FAM135B: variants seen among roughly 807,000 people sequenced by gnomAD.
FAM135B encodes the protein protein FAM135B.
Under a neutral mutation model 127.7 loss-of-function variants are expected in FAM135B, and 43 were observed. That is an observed-to-expected ratio of 0.34 (90% CI 0.26 to 0.43). FAM135B has a LOEUF of 0.43. Among genes scored for constraint, FAM135B ranks in the 20% least tolerant of loss-of-function variants. The pLI, the probability that FAM135B is intolerant of heterozygous loss-of-function variation, is 1.00. For missense variants in FAM135B, 1,558 were observed against 1,725.6 expected, an observed-to-expected ratio of 0.90 and a Z score of 1.72; for synonymous variants, 670 against 665.1, an observed-to-expected ratio of 1.01 and a Z score of -0.11.
At chr8:138,147,400 C>T (rs1817742866) in intron 14 of FAM135B, among the ~76,000 whole-genome samples, 3 of 152,074 alleles carry the variant, frequency 2.0e-5, no homozygotes, top group Admixed American at 2.0e-4. Flanking sequence ...AAAATTTTCT[C>T]AGAAAATATG....
intron 12 of FAM135B, among the ~76,000 whole-genome samples, chr8:138,163,373 CA>C (rs1282688761): frequency 6.6e-6 from 1 of 152,122 alleles, no homozygotes; most frequent in Non-Finnish European, 1.5e-5. Context: ...ACAGATATTG[CA>C]GCGTGCCTGG....
At chr8:138,482,419 C>T (rs1010171749) in intron 1 of FAM135B, among the ~76,000 whole-genome samples, 7 of 152,248 alleles carry the variant, frequency 4.6e-5, no homozygotes, top group African/African-American at 1.7e-4. Flanking sequence ...CCTATGTAGT[C>T]ACAGAGGATC....
At chr8:138,432,396 A>G (rs1835237707) in intron 1 of FAM135B, among the ~76,000 whole-genome samples, 2 of 152,014 alleles carry the variant, frequency 1.3e-5, no homozygotes, top group Admixed American at 6.5e-5. Flanking sequence ...CAAAGCTTGC[A>G]TGGTCTCCAC....
chr8:138,206,468 C>A (rs77572676), intron 7 of FAM135B, among the ~76,000 whole-genome samples: 1 of 34,038 alleles, frequency 2.9e-5, no homozygotes, highest in South Asian at 1.1e-3. Context: ...ACTCCAGCAT[C>A]CCCTCCACCT....
intron 3 of FAM135B, among the ~76,000 whole-genome samples, chr8:138,270,865 T>A (rs943284139): frequency 1.3e-5 from 2 of 152,218 alleles, no homozygotes; most frequent in African/African-American, 4.8e-5. Context: ...TCTAATGAGT[T>A]ATAACCTGGG....
At chr8:138,485,446 T>G (rs1185133503) in intron 1 of FAM135B, among the ~76,000 whole-genome samples, 1 of 152,218 alleles carries the variant, frequency 6.6e-6, no homozygotes, top group Non-Finnish European at 1.5e-5. Flanking sequence ...ATTAAGTACA[T>G]ACACAGATCA....
intron 1 of FAM135B, among the ~76,000 whole-genome samples, chr8:138,442,267 T>TATATATATATATATATATATATATACAC (rs34280434): frequency 1.2e-5 from 1 of 86,762 alleles, no homozygotes; most frequent in Non-Finnish European, 2.4e-5. Flanking sequence ...TATATATATA[T>TATATATATATATATATATATATATACAC]ATATATATAT....
At chr8:138,292,540 C>T (rs1414520954) in intron 3 of FAM135B, among the ~76,000 whole-genome samples, 1 of 152,104 alleles carries the variant, frequency 6.6e-6, no homozygotes, top group African/African-American at 2.4e-5. Context: ...TTAAAATGGA[C>T]ATACTGCCCA....
At chr8:138,281,495 A>G (rs1472118922) in intron 3 of FAM135B, among the ~76,000 whole-genome samples, 1 of 151,876 alleles carries the variant, frequency 6.6e-6, no homozygotes, top group Non-Finnish European at 1.5e-5. Context: ...TGAGGTAAAT[A>G]GTGTCCTACA....
chr8:138,465,938 C>T (rs1393772475), intron 1 of FAM135B, among the ~76,000 whole-genome samples: 2 of 152,168 alleles, frequency 1.3e-5, no homozygotes, highest in Admixed American at 6.5e-5. Context: ...TGCCTTCACA[C>T]CCAGATAACT....
chr8:138,430,548 C>T (rs1315194553), intron 1 of FAM135B, among the ~76,000 whole-genome samples: 1 of 152,134 alleles, frequency 6.6e-6, no homozygotes, highest in African/African-American at 2.4e-5. Context: ...CAGGTGCTGG[C>T]CTCCAAGAGG....
intron 3 of FAM135B, among the ~76,000 whole-genome samples, chr8:138,294,941 A>G (rs1357849495): frequency 6.6e-6 from 1 of 152,126 alleles, no homozygotes; most frequent in Admixed American, 6.5e-5. Flanking sequence ...TGTATTTCCC[A>G]TATAAGTCTA....
rs547255108 is a variant in FAM135B, at chr8:138,391,177, G to C, written c.-19-23175C>G. On this transcript the variant is annotated intron_variant, in intron 1 of 19. Transcript: ENST00000395297. ...ATCCCTGTCCTCCCATTAAGGCTGA[G>C]CTCCTTGTTTCTGGTCCCAGATCAG... Among the ~76,000 whole-genome samples, 3 of 151,018 alleles carry C rather than the reference G, an allele frequency of 2.0e-5. No homozygotes were observed. In the South Asian group the frequency reaches 6.3e-4, roughly 32 times the overall value.
chr8:138,232,536 C>T (rs1819977899), intron 7 of FAM135B, among the ~76,000 whole-genome samples: 1 of 152,058 alleles, frequency 6.6e-6, no homozygotes, highest in Admixed American at 6.5e-5. Flanking sequence ...CTCAAAGCCC[C>T]CCTTAGTGTG....
At chr8:138,309,770 C>T (rs1260002546) in intron 3 of FAM135B, among the ~76,000 whole-genome samples, 4 of 151,800 alleles carry the variant, frequency 2.6e-5, no homozygotes, top group Non-Finnish European at 5.9e-5. Flanking sequence ...CTTGGCTACT[C>T]GTACTTTATA....
At chr8:138,352,830 T>C (rs907354601) in intron 2 of FAM135B, among the ~76,000 whole-genome samples, 1 of 152,192 alleles carries the variant, frequency 6.6e-6, no homozygotes, top group Admixed American at 6.5e-5. Context: ...ACTTAAGTTT[T>C]ATATAAACCT....
At chr8:138,376,995 G>C (rs7825523) in intron 1 of FAM135B, among the ~76,000 whole-genome samples, 65,274 of 152,064 alleles carry the variant, frequency 0.43, 14,785 homozygotes, top group East Asian at 0.65. Context: ...AAATGTACTA[G>C]AGCATTCTCA....
chr8:138,436,555 G>A (rs1160458), intron 1 of FAM135B, among the ~76,000 whole-genome samples: 104,603 of 152,034 alleles, frequency 0.69, 37,297 homozygotes, highest in African/African-American at 0.87. Flanking sequence ...GTGTTCCCAG[G>A]GACCTCCTCC....
intron 3 of FAM135B, among the ~76,000 whole-genome samples, chr8:138,297,135 T>C (rs999408844): frequency 6.6e-6 from 1 of 152,166 alleles, no homozygotes; most frequent in Non-Finnish European, 1.5e-5. Context: ...GACGTATGCA[T>C]CTGCTACGTC....
Sources: gnomAD v4.1 joint callset for allele counts (sites outside exome capture counted in the v4.1 genomes callset) on GRCh38, gnomAD v4.1.1 for gene constraint, MANE v1.5 for transcripts, NCBI Gene and HGNC (gene_info 2026-07-23, HGNC 2026-07-21) for gene names.